Variants in MDGA2 observed in about 807,000 individuals in gnomAD.
MDGA2 encodes the protein MAM domain containing glycosylphosphatidylinositol anchor 2, also known as MAM domain-containing glycosylphosphatidylinositol anchor protein 2.
A neutral mutation model predicts 117.8 loss-of-function variants in MDGA2; 40 were observed. That is an observed-to-expected ratio of 0.34 (90% confidence interval 0.26 to 0.44). The LOEUF is 0.44. Among genes scored for constraint, MDGA2 ranks in the 20% least tolerant of loss-of-function variants. MDGA2 has a pLI of 1.00. For missense variants in MDGA2, 1,123 were observed against 1,250.6 expected, an observed-to-expected ratio of 0.90 and a Z score of 1.54; for synonymous variants, 452 against 439.0, an observed-to-expected ratio of 1.03 and a Z score of -0.37.
At chr14:47,441,469 A>G (rs982878586) in intron 1 of MDGA2, among the ~76,000 whole-genome samples, 4 of 152,198 alleles carry the variant, frequency 2.6e-5, no homozygotes, top group Non-Finnish European at 2.9e-5. Context: ...TGACGGAAGT[A>G]AAGCAATTTT....
chr14:47,463,576 T>C (rs1218825517), intron 1 of MDGA2, among the ~76,000 whole-genome samples: 1 of 152,088 alleles, frequency 6.6e-6, no homozygotes, highest in Non-Finnish European at 1.5e-5. Flanking sequence ...ACATAGGAAG[T>C]AGTGACTGAG....
At chr14:47,206,951 T>C (rs900154441) in intron 3 of MDGA2, among the ~76,000 whole-genome samples, 3 of 152,012 alleles carry the variant, frequency 2.0e-5, no homozygotes, top group African/African-American at 7.2e-5. Flanking sequence ...TCAGAGATCA[T>C]GAAAGTCCAC....
At chr14:47,051,895 A>T (rs1209980050) in intron 7 of MDGA2, among the ~76,000 whole-genome samples, 1 of 151,936 alleles carries the variant, frequency 6.6e-6, no homozygotes, top group Admixed American at 6.6e-5. Context: ...TAACTACATT[A>T]GTAGTGAACA....
intron 3 of MDGA2, among the ~76,000 whole-genome samples, chr14:47,166,694 C>G (rs1566660334): frequency 6.6e-6 from 1 of 152,150 alleles, no homozygotes; most frequent in Non-Finnish European, 1.5e-5. Context: ...AGGAATACAA[C>G]TTGAAACAAA....
intron 1 of MDGA2, among the ~76,000 whole-genome samples, chr14:47,416,391 T>G (rs1456764359): frequency 1.3e-5 from 2 of 152,172 alleles, no homozygotes; most frequent in East Asian, 3.9e-4. Flanking sequence ...TGATATCCAG[T>G]CTCCCAGACA....
chr14:47,625,811 G>T (rs1468382833), intron 1 of MDGA2, among the ~76,000 whole-genome samples: 2 of 152,090 alleles, frequency 1.3e-5, no homozygotes, highest in Non-Finnish European at 2.9e-5. Flanking sequence ...CTGCTTTAAA[G>T]CCTTCATTAG....
At chr14:47,029,953 G>A (rs951759941) in intron 8 of MDGA2, among the ~76,000 whole-genome samples, 9 of 151,716 alleles carry the variant, frequency 5.9e-5, no homozygotes, top group African/African-American at 1.2e-4. Flanking sequence ...TCAGCCTTCC[G>A]AGTAGCTGGG....
chr14:47,308,502 G>GTTTTTTTTTTTTTTTT (rs68070912), intron 1 of MDGA2, among the ~76,000 whole-genome samples: 1 of 112,922 alleles, frequency 8.9e-6, no homozygotes, highest in Non-Finnish European at 1.9e-5. Context: ...CTTTCTGTTA[G>GTTTTTTTTTTTTTTTT]TTTTTTTTTT....
chr14:47,054,332 T>C (rs1272143732), intron 7 of MDGA2, among the ~76,000 whole-genome samples: 1 of 151,874 alleles, frequency 6.6e-6, no homozygotes, highest in Non-Finnish European at 1.5e-5. Flanking sequence ...CTTATTATTA[T>C]TATTATTATA....
At chr14:47,125,487 AAG>A (rs746706124) in intron 5 of MDGA2, among the ~76,000 whole-genome samples, 1 of 152,104 alleles carries the variant, frequency 6.6e-6, no homozygotes, top group African/African-American at 2.4e-5. Flanking sequence ...AAATAATAAA[AAG>A]AGATAATAGT....
chr14:47,193,801 T>A (rs1885196181), intron 3 of MDGA2, among the ~76,000 whole-genome samples: 1 of 152,218 alleles, frequency 6.6e-6, no homozygotes, highest in African/African-American at 2.4e-5. Context: ...AGACAGCTGC[T>A]GAAAATGCCA....
At chr14:46,867,871 G>T (rs1430401693) in intron 14 of MDGA2, among the ~76,000 whole-genome samples, 1 of 151,254 alleles carries the variant, frequency 6.6e-6, no homozygotes, top group Admixed American at 6.6e-5. Context: ...TACTTTAGTT[G>T]CCAGAGCATA....
intron 1 of MDGA2, among the ~76,000 whole-genome samples, chr14:47,445,169 T>C (rs549567062): frequency 6.6e-6 from 1 of 152,088 alleles, no homozygotes; most frequent in African/African-American, 2.4e-5. Flanking sequence ...TCAAGTCTCC[T>C]GGTATGCTTT....
chr14:47,142,465 A>AAACC (rs1491375060), intron 4 of MDGA2, among the ~76,000 whole-genome samples: 4 of 152,018 alleles, frequency 2.6e-5, no homozygotes, highest in Admixed American at 6.6e-5. Flanking sequence ...ACAAACAAAC[A>AAACC]AACAAACAAA....
chr14:47,021,113 T>A (rs1425211764), intron 8 of MDGA2, among the ~76,000 whole-genome samples: 1 of 152,166 alleles, frequency 6.6e-6, no homozygotes, highest in African/African-American at 2.4e-5. Context: ...AGTCAATTTA[T>A]CAAGCATTGT....
chr14:47,057,278 T>C (rs1349634485), intron 7 of MDGA2, among the ~76,000 whole-genome samples: 1 of 152,104 alleles, frequency 6.6e-6, no homozygotes, highest in African/African-American at 2.4e-5. Context: ...TCACAATTTC[T>C]ACAGAAGTCC....
At chr14:47,420,518 A>G (rs1892557440) in intron 1 of MDGA2, among the ~76,000 whole-genome samples, 1 of 152,170 alleles carries the variant, frequency 6.6e-6, no homozygotes, top group African/African-American at 2.4e-5. Context: ...GAGAAGAAAG[A>G]AGTTATCCAA....
chr14:47,200,443 C>A, intron 3 of MDGA2: 1 of 424,908 alleles, frequency 2.4e-6, no homozygotes, highest in Non-Finnish European at 4.1e-6. Context: ...GAGTTTAATG[C>A]CATAATCAAT....
intron 3 of MDGA2, among the ~76,000 whole-genome samples, chr14:47,202,572 TCTGA>T (rs1243276307): frequency 6.6e-6 from 1 of 152,202 alleles, no homozygotes; most frequent in Non-Finnish European, 1.5e-5. Flanking sequence ...CTTCCTGAGC[TCTGA>T]CTTTGTGTCA....
Sources: gnomAD v4.1 joint callset for allele counts (sites outside exome capture counted in the v4.1 genomes callset) on GRCh38, gnomAD v4.1.1 for gene constraint, MANE v1.5 for transcripts, NCBI Gene and HGNC (gene_info 2026-07-23, HGNC 2026-07-21) for gene names.